The following CST7 variants were observed in gnomAD, a reference collection of about 807,000 sequenced individuals.
CST7 encodes cystatin F, also known as cystatin-F.
Under a neutral mutation model 13.1 loss-of-function variants are expected in CST7, and 15 were observed. The observed-to-expected ratio is 1.14, with a 90% CI of 0.77 to 1.76. The LOEUF (loss-of-function observed/expected upper bound fraction) is 1.76. CST7 is among the 40% of genes most tolerant of loss of function. The pLI is 0.00. For missense variants in CST7, 193 were observed against 178.8 expected (o/e 1.08, Z -0.45); for synonymous variants, 75 against 66.9 (o/e 1.12, Z -0.59).
chr20:24,951,026 C>T (rs189589226), intron 1 of CST7, among the ~76,000 whole-genome samples: 2 of 152,312 alleles, frequency 1.3e-5, no homozygotes, highest in East Asian at 3.9e-4. Context: ...AGGCTAGGGA[C>T]TATAACAGGG....
intron 1 of CST7, among the ~76,000 whole-genome samples, chr20:24,951,639 G>T (rs1298169175): frequency 6.6e-6 from 1 of 152,176 alleles, no homozygotes; most frequent in African/African-American, 2.4e-5. Context: ...TGACTGAGGG[G>T]GGTAGGGGGC....
At position 24,959,736 on chromosome 20, in the gene CST7, C is replaced by G; in HGVS notation, c.*24C>G. On this transcript the variant is annotated 3_prime_UTR_variant, in exon 4 of 4. Transcript: ENST00000480798. ...GACCCCCGCCTCTTCAGCAAGACCA[C>G]AGCCATGACAAACACCAGGATGCAT... The G allele has an allele frequency of 2.5e-6, 4 of 1,610,286 alleles. No individual in the cohort carries two copies. Among genetic ancestry groups the G allele is most frequent in the Non-Finnish European group, 3.4e-6 (4 of 1,176,562 alleles).
In CST7 at chr20:24,957,478, G is replaced by T. The variant is rs2087866335; in HGVS notation, c.243+19G>T. 1 of 1,611,124 alleles carries T rather than the reference G, an allele frequency of 6.2e-7. No homozygotes were observed. The highest frequency in any genetic ancestry group is 1.3e-5 in the African/African-American group (1 of 74,706). On this transcript the variant is annotated intron_variant, in intron 2 of 3. Coordinates refer to ENST00000480798, the MANE Select transcript of CST7 (RefSeq NM_003650.4). ...AGTTCAGGTAACGGTCTGGGTTCTG[G>T]TCACATATCACGGACACCCCTAGGA...
rs767839299 is a variant in CST7, at chr20:24,957,316, G to A, written c.100G>A (p.Val34Met). The part of the protein sequence containing the change: ...DTCSQDLNSR[V>M]KPGFPKTIKT... The stretch of plus-strand genomic sequence containing the variant: ...TTGTTCCCAGGACCTTAACTCACGT[G>A]TGAAGCCAGGATTTCCTAAAACAAT... Residue 34 changes from valine to methionine, a missense_variant, in exon 2 of 4, where the codon GTG becomes ATG. Val to Met is a conservative substitution (Grantham distance 21). Transcript: ENST00000480798. 10 of 1,613,628 alleles carry A rather than the reference G, an allele frequency of 6.2e-6. No homozygotes were observed. Among genetic ancestry groups the A allele is most frequent in the Non-Finnish European group, 8.5e-6 (10 of 1,179,724 alleles).
chr20:24,949,743 G>A (rs1221338543), intron 1 of CST7, among the ~76,000 whole-genome samples, 168 bp downstream of exon 1: 1 of 152,198 alleles, frequency 6.6e-6, no homozygotes, highest in African/African-American at 2.4e-5. Flanking sequence ...CCATCTGGCT[G>A]CAGCTACCTT....
At chr20:24,951,179 G>C (rs1320872021) in intron 1 of CST7, among the ~76,000 whole-genome samples, 2 of 152,210 alleles carry the variant, frequency 1.3e-5, no homozygotes, top group African/African-American at 2.4e-5. Context: ...ACCCCAGAGA[G>C]AAGCTCCAGA....
intron 1 of CST7, among the ~76,000 whole-genome samples, chr20:24,954,072 G>A (rs1401817501): frequency 3.3e-5 from 5 of 151,948 alleles, no homozygotes; most frequent in African/African-American, 1.2e-4. Context: ...CTGTGCCCCA[G>A]GCCTGCTCTG....
At chr20:24,952,722 C>G (rs2087827839) in intron 1 of CST7, among the ~76,000 whole-genome samples, 1 of 152,206 alleles carries the variant, frequency 6.6e-6, no homozygotes, top group African/African-American at 2.4e-5. Context: ...AAAGGGCACC[C>G]CCTGAGGTGA....
intron 1 of CST7, among the ~76,000 whole-genome samples, chr20:24,952,241 C>A (rs1426718423): frequency 9.2e-5 from 14 of 152,232 alleles, no homozygotes; most frequent in Non-Finnish European, 1.9e-4. Flanking sequence ...CTGTCGTCAG[C>A]ATCCTCATTT....
At chr20:24,953,809 C>T (rs1262306448) in intron 1 of CST7, among the ~76,000 whole-genome samples, 2 of 152,196 alleles carry the variant, frequency 1.3e-5, no homozygotes, top group Admixed American at 6.5e-5. Flanking sequence ...GGCATTGTTT[C>T]TATACAGACG....
chr20:24,950,014 CTCTT>C (rs2122439388), intron 1 of CST7, among the ~76,000 whole-genome samples: 1 of 152,338 alleles, frequency 6.6e-6, no homozygotes, highest in Admixed American at 6.5e-5. Context: ...AACGATCAGA[CTCTT>C]TCACCCTTCC....
At position 24,956,914 on chromosome 20, in the gene CST7, A is replaced by G. The variant is rs1027863420; in HGVS notation, c.71-373A>G. Among the ~76,000 whole-genome samples, 11 of 143,518 alleles carry G rather than the reference A, an allele frequency of 7.7e-5. No individual in the cohort carries two copies. The East Asian group carries it at 2.1e-3, about 27-fold the overall frequency. 94.2% of individuals were successfully genotyped at this position (143,518 alleles called of 152,430 possible). A position where few individuals can be genotyped will look rare whatever the true frequency, so the allele number is the denominator to read the frequency against. ...ACCCTGGGTTCTGAAAGTGGGGGAC[A>G]GGTTCATTGCACCCCCTGGCACCTG... On this transcript the variant is annotated intron_variant, in intron 1 of 3. Transcript: ENST00000480798.
chr20:24,958,092 G>A (rs2087871204), intron 2 of CST7, among the ~76,000 whole-genome samples: 2 of 152,214 alleles, frequency 1.3e-5, no homozygotes, highest in Non-Finnish European at 2.9e-5. Context: ...GGCAGAAGCA[G>A]CCCTGTCCAA....
intron 1 of CST7, among the ~76,000 whole-genome samples, chr20:24,954,156 G>A (rs11908121): frequency 3.9e-5 from 6 of 152,184 alleles, no homozygotes; most frequent in Non-Finnish European, 7.3e-5. Context: ...CAAACAGTCC[G>A]TCTTGAATGA....
At position 24,949,574 on chromosome 20, in the gene CST7, A is replaced by G. The variant is rs752833224; in HGVS notation, c.69A>G (p.Pro23=). The G allele has an allele frequency of 1.7e-5, 27 of 1,614,004 alleles. 2 individuals carry two copies. The Middle Eastern group carries it at 4.9e-4, about 30-fold the overall frequency. The change falls in exon 1 of 4, where the codon CCA becomes CCG. Residue 23 remains proline (P), a splice_region_variant and synonymous_variant. Coordinates refer to ENST00000480798, the MANE Select transcript of CST7 (RefSeq NM_003650.4). ...TGAGCACCACTGGGGGCCCTTCCCC[A>G]GGTAAGTGGCGTTCTCCCCTGTCCG... The part of the protein sequence containing the change: ...LVLSTTGGPS[P]DTCSQDLNSR...
chr20:24,954,551 A>T (rs529607008), intron 1 of CST7, among the ~76,000 whole-genome samples: 1 of 152,232 alleles, frequency 6.6e-6, no homozygotes, highest in African/African-American at 2.4e-5. Flanking sequence ...AAATCATCCT[A>T]AAAATAGGTT....
intron 1 of CST7, among the ~76,000 whole-genome samples, 170 bp from the exon 2 acceptor site, chr20:24,957,115 TAA>T (rs2087862898): frequency 2.0e-3 from 8 of 4,032 alleles, no homozygotes; most frequent in East Asian, 6.0e-3. Context: ...TGGGGGCAGG[TAA>T]GCAGGGACAG....
chr20:24,959,585 C>T, intron 3 of CST7, 50 bp from the exon 4 acceptor site: 1 of 1,570,718 alleles, frequency 6.4e-7, no homozygotes, highest in Non-Finnish European at 8.8e-7. Context: ...GGGCAGAGGG[C>T]TCCCCGCAGG....
chr20:24,957,565 T>C, intron 2 of CST7, 106 bp downstream of exon 2: 1 of 1,126,404 alleles, frequency 8.9e-7, no homozygotes, highest in Non-Finnish European at 1.3e-6. Context: ...AAGTCCCTGC[T>C]GAGTGCAGAG....
Sources: gnomAD v4.1 joint callset for allele counts (sites outside exome capture counted in the v4.1 genomes callset) on GRCh38, gnomAD v4.1.1 for gene constraint, MANE v1.5 for transcripts, NCBI Gene and HGNC (gene_info 2026-07-23, HGNC 2026-07-21) for gene names.